Variants in DNAJA3 observed in about 807,000 individuals in gnomAD.
DNAJA3 encodes dnaJ homolog subfamily A member 3, mitochondrial.
DNAJA3 carries 29 observed loss-of-function variants against 54.9 expected under a neutral mutation model. The observed-to-expected ratio is 0.53, with a 90% confidence interval of 0.39 to 0.72. The LOEUF (loss-of-function observed/expected upper bound fraction) is 0.72. Ranked by LOEUF, DNAJA3 falls within the 30% of genes least tolerant of loss-of-function variation. The pLI, the probability that DNAJA3 is intolerant of heterozygous loss-of-function variation, is 0.00. For synonymous variants in DNAJA3, 302 were observed against 251.4 expected (o/e 1.20, Z -1.90); for missense variants, 708 against 639.4 (o/e 1.11, Z -1.16).
rs966755258 is a variant in DNAJA3 at position 4,437,323 on chromosome 16, G to A, written c.346-79G>A. 6.6e-6 allele frequency: 8 copies of A among 1,216,496 alleles called. No homozygotes were observed. In the African/African-American group the frequency reaches 1.1e-4, roughly 16 times the overall value. The allele number at this position is 1,216,496 out of a possible 1,614,324, so 75.4% of individuals were successfully genotyped here. ...AATTATGACTGGTATTTGGGGTTCT[G>A]TTGTATCGGGGGTTTTGTTGTTTCT... On this transcript the variant is annotated intron_variant, in intron 2 of 11. Coordinates refer to ENST00000262375, the MANE Select transcript of DNAJA3 (RefSeq NM_005147.6).
chr16:4,453,327 C>G (rs1293887537), intron 10 of DNAJA3, among the ~76,000 whole-genome samples: 1 of 152,108 alleles, frequency 6.6e-6, no homozygotes. Context: ...TCAGCACTTG[C>G]AGGGATAAAC....
rs2056938264 is a variant in DNAJA3 at position 4,448,772 on chromosome 16, G to T, written c.1165G>T (p.Gly389Cys). Residue 389 changes from glycine to cysteine, a missense_variant, in exon 9 of 12, where the codon GGT becomes TGT. By Grantham distance (159) the Gly-to-Cys change is radical. Coordinates refer to ENST00000262375, the MANE Select transcript of DNAJA3 (RefSeq NM_005147.6). Reference protein sequence around the residue: ...GTQTDQKIRMGGKGIPRINSY... With the variant: ...GTQTDQKIRMCGKGIPRINSY... ...TCAGACAGACCAGAAGATTCGGATG[G>T]GTGGGAAAGGCATCCCCCGGATTAA... 1 of 1,614,132 alleles carries T rather than the reference G, an allele frequency of 6.2e-7. No individual in the cohort carries two copies. The highest frequency in any genetic ancestry group is 8.5e-7 in the Non-Finnish European group (1 of 1,180,004).
intron 1 of DNAJA3, among the ~76,000 whole-genome samples, chr16:4,428,210 C>G (rs1415703574): frequency 6.6e-6 from 1 of 152,126 alleles, no homozygotes; most frequent in Non-Finnish European, 1.5e-5. Flanking sequence ...CTCAGCCTCC[C>G]AAAGTGCTGG....
chr16:4,437,970 TAAAA>T (rs1002119486), intron 3 of DNAJA3, among the ~76,000 whole-genome samples: 1 of 142,624 alleles, frequency 7.0e-6, no homozygotes, highest in Non-Finnish European at 1.5e-5. Context: ...AATAAAAAAT[TAAAA>T]AAAAAACAAA....
intron 2 of DNAJA3, among the ~76,000 whole-genome samples, chr16:4,434,833 AT>A (rs1421409502): frequency 7.7e-6 from 1 of 130,572 alleles, no homozygotes; most frequent in Non-Finnish European, 1.6e-5. Flanking sequence ...TTAGGTAGTT[AT>A]TTTTTGCATC....
At chr16:4,428,168 G>A (rs1265715640) in intron 1 of DNAJA3, among the ~76,000 whole-genome samples, 1 of 151,734 alleles carries the variant, frequency 6.6e-6, no homozygotes, top group Non-Finnish European at 1.5e-5. Context: ...AGCCAAGATG[G>A]TCTCGATCTC....
At chr16:4,429,419 T>A (rs1238394114) in intron 1 of DNAJA3, among the ~76,000 whole-genome samples, 2 of 151,886 alleles carry the variant, frequency 1.3e-5, no homozygotes, top group Non-Finnish European at 2.9e-5. Flanking sequence ...ATACTGGATT[T>A]CACCATATTG....
At chr16:4,454,424 T>C (rs1422202736) in intron 10 of DNAJA3, among the ~76,000 whole-genome samples, 1 of 152,226 alleles carries the variant, frequency 6.6e-6, no homozygotes, top group Non-Finnish European at 1.5e-5. Flanking sequence ...CCTCCTTTTT[T>C]TGTTTTTTCA....
chr16:4,437,662 T>C, intron 3 of DNAJA3, 177 bp downstream of exon 3: 1 of 588,646 alleles, frequency 1.7e-6, no homozygotes, highest in Non-Finnish European at 3.0e-6. Flanking sequence ...CCAAGCATGG[T>C]GGCTCACTCC....
intron 1 of DNAJA3, among the ~76,000 whole-genome samples, chr16:4,432,416 C>T (rs182837852): frequency 6.6e-6 from 1 of 150,418 alleles, no homozygotes; most frequent in East Asian, 2.0e-4. Context: ...GATCTTGGCT[C>T]ACTGCAACCT....
At chr16:4,428,935 C>G (rs1456590798) in intron 1 of DNAJA3, among the ~76,000 whole-genome samples, 32 of 142,066 alleles carry the variant, frequency 2.3e-4, no homozygotes, top group Non-Finnish European at 9.0e-5. Flanking sequence ...GTCGCCCAGG[C>G]TGGAGTGCAG....
chr16:4,443,591 C>T (rs2056865006), intron 6 of DNAJA3, among the ~76,000 whole-genome samples: 1 of 152,144 alleles, frequency 6.6e-6, no homozygotes, highest in South Asian at 2.1e-4. Context: ...GCCCAAAACT[C>T]ACTTTCTGCT....
At chr16:4,429,125 G>A (rs1362443034) in intron 1 of DNAJA3, among the ~76,000 whole-genome samples, 1 of 151,802 alleles carries the variant, frequency 6.6e-6, no homozygotes, top group Non-Finnish European at 1.5e-5. Flanking sequence ...CTGACCTCGT[G>A]ATCCACCCGC....
chr16:4,444,431 C>T (rs1436102336), intron 6 of DNAJA3, among the ~76,000 whole-genome samples: 1 of 151,586 alleles, frequency 6.6e-6, no homozygotes, highest in African/African-American at 2.4e-5. Flanking sequence ...GCAACCTCCG[C>T]CTCCTGGGTT....
In DNAJA3 at chr16:4,433,037, G is replaced by T. The variant is rs1596360598; in HGVS notation, c.212-1347G>T. Among the ~76,000 whole-genome samples, 3 of 152,242 alleles carry T rather than the reference G, an allele frequency of 2.0e-5. No homozygotes were observed. The South Asian group carries it at 6.2e-4, about 32-fold the overall frequency. On this transcript the variant is annotated intron_variant, in intron 1 of 11. Coordinates refer to ENST00000262375, the MANE Select transcript of DNAJA3 (RefSeq NM_005147.6). ...GGCGCCCGTAGTCCCAGCTACTTGGGAGGCTGAGGCAGGAGAATGGCGTGA... is the reference window on the plus strand; with the variant it reads ...GGCGCCCGTAGTCCCAGCTACTTGGTAGGCTGAGGCAGGAGAATGGCGTGA...
chr16:4,435,502 G>C (rs58958001), intron 2 of DNAJA3, among the ~76,000 whole-genome samples: 1 of 152,002 alleles, frequency 6.6e-6, no homozygotes, highest in Non-Finnish European at 1.5e-5. Flanking sequence ...CTCTCTCCCC[G>C]GTCCCTAGCA....
At position 4,455,833 on chromosome 16, in the gene DNAJA3, G is replaced by A. The variant is rs2057029288; in HGVS notation, c.*301G>A. On this transcript the variant is annotated 3_prime_UTR_variant, in exon 12 of 12. Coordinates refer to ENST00000262375, the MANE Select transcript of DNAJA3 (RefSeq NM_005147.6). ...AGGGAGATGGTTAGACTCTTGCAGGGCTAAAACTCTAATTTGGAATTGAAT... is the reference window on the plus strand; with the variant it reads ...AGGGAGATGGTTAGACTCTTGCAGGACTAAAACTCTAATTTGGAATTGAAT... The A allele has an allele frequency of 5.4e-6, 3 of 557,634 alleles. No individual in the cohort carries two copies. The highest frequency in any genetic ancestry group is 3.2e-6 in the Non-Finnish European group (1 of 311,916). The allele number at this position is 557,634 out of a possible 1,614,324, so 34.5% of individuals were successfully genotyped here.
chr16:4,429,043 C>G (rs1229827429), intron 1 of DNAJA3, among the ~76,000 whole-genome samples: 1 of 151,726 alleles, frequency 6.6e-6, no homozygotes, highest in African/African-American at 2.4e-5. Context: ...CACCTGCAAC[C>G]GCGCCCAGCT....
At chr16:4,441,132 C>G (rs548908821) in intron 3 of DNAJA3, 4 of 546,792 alleles carry the variant, frequency 7.3e-6, no homozygotes, top group Non-Finnish European at 1.3e-5. Context: ...TCCCAGCATG[C>G]GCGACGGCGG....
Sources: allele counts gnomAD v4.1 joint callset (sites outside exome capture counted in the v4.1 genomes callset), GRCh38; gene constraint gnomAD v4.1.1; transcripts MANE v1.5; gene names NCBI Gene and HGNC (gene_info 2026-07-23, HGNC 2026-07-21).